GALNTL6: variants seen among roughly 807,000 people sequenced by gnomAD.
GALNTL6 encodes the protein polypeptide N-acetylgalactosaminyltransferase like 6.
GALNTL6 carries 46 observed loss-of-function variants against 73.7 expected under a neutral mutation model. The observed-to-expected ratio is 0.62, with a 90% CI of 0.49 to 0.80. The LOEUF (loss-of-function observed/expected upper bound fraction) is 0.80, where lower values mean the gene tolerates loss of function less well. Among genes scored for constraint, GALNTL6 ranks in the 30% least tolerant of loss-of-function variants. The pLI is 0.00. For missense variants in GALNTL6, 604 were observed against 755.0 expected, an observed-to-expected ratio of 0.80 and a Z score of 2.34; for synonymous variants, 259 against 263.7, an observed-to-expected ratio of 0.98 and a Z score of 0.17.
chr4:172,636,689 G>T (rs1739702108), intron 5 of GALNTL6, among the ~76,000 whole-genome samples: 1 of 152,172 alleles, frequency 6.6e-6, no homozygotes, highest in Non-Finnish European at 1.5e-5. Flanking sequence ...CTGACCTCCA[G>T]AACAAATGTG....
chr4:172,173,940 G>A (rs1262044678), intron 2 of GALNTL6, among the ~76,000 whole-genome samples: 3 of 151,936 alleles, frequency 2.0e-5, no homozygotes, highest in African/African-American at 7.3e-5. Context: ...AGGGGTGCCA[G>A]TGGAGAGGAG....
intron 2 of GALNTL6, among the ~76,000 whole-genome samples, chr4:171,822,196 A>T (rs1176475647): frequency 1.3e-5 from 2 of 152,220 alleles, no homozygotes; most frequent in Non-Finnish European, 2.9e-5. Context: ...AAAAAAAGTT[A>T]AAAAGTAGAA....
At chr4:172,922,527 T>G (rs1747849566) in intron 8 of GALNTL6, among the ~76,000 whole-genome samples, 2 of 151,748 alleles carry the variant, frequency 1.3e-5, no homozygotes, top group Admixed American at 1.3e-4. Context: ...AAAAATAAAG[T>G]AGTGCATAGT....
At chr4:171,846,199 T>A (rs1162936644) in intron 2 of GALNTL6, among the ~76,000 whole-genome samples, 1 of 152,172 alleles carries the variant, frequency 6.6e-6, no homozygotes, top group African/African-American at 2.4e-5. Flanking sequence ...TATTTGCAAA[T>A]TCCAAATTAG....
chr4:172,950,805 T>C (rs1278535605), intron 9 of GALNTL6, among the ~76,000 whole-genome samples: 1 of 152,246 alleles, frequency 6.6e-6, no homozygotes, highest in Non-Finnish European at 1.5e-5. Context: ...TTTTATCTTC[T>C]AAGTGCAAGT....
chr4:172,757,895 G>A (rs1737843635), intron 5 of GALNTL6, among the ~76,000 whole-genome samples: 2 of 152,144 alleles, frequency 1.3e-5, no homozygotes, highest in African/African-American at 4.8e-5. Context: ...AGAATAATTA[G>A]CACAAAAGCA....
chr4:172,619,918 C>T lies in GALNTL6; in HGVS notation c.554-189443C>T, dbSNP rs546920832. Among the ~76,000 whole-genome samples the T allele has an allele frequency of 9.0e-4, 137 of 152,224 alleles. 2 individuals carry two copies. Among genetic ancestry groups the T allele is most frequent in the Non-Finnish European group, 2.2e-4 (15 of 68,010 alleles). ...TATGTCATTGAAGCTGCAAAGAAAC[C>T]TTTCTCCTGTGTATAGGCAATTATT... On this transcript the variant is annotated intron_variant, in intron 5 of 12. Coordinates refer to ENST00000506823, the MANE Select transcript of GALNTL6 (RefSeq NM_001034845.3).
At chr4:171,820,361 G>T (rs1170010556) in intron 2 of GALNTL6, among the ~76,000 whole-genome samples, 4 of 152,140 alleles carry the variant, frequency 2.6e-5, no homozygotes, top group Non-Finnish European at 5.9e-5. Flanking sequence ...TTTGCTTCCA[G>T]TGTGGTAGGG....
At chr4:172,249,396 C>T (rs1317067070) in intron 3 of GALNTL6, among the ~76,000 whole-genome samples, 2 of 152,104 alleles carry the variant, frequency 1.3e-5, no homozygotes, top group Admixed American at 1.3e-4. Context: ...AATTTGCAGC[C>T]TGATGATGTG....
At chr4:172,757,106 A>T (rs1181495700) in intron 5 of GALNTL6, among the ~76,000 whole-genome samples, 3 of 152,218 alleles carry the variant, frequency 2.0e-5, no homozygotes, top group Non-Finnish European at 2.9e-5. Context: ...ATAATAATAA[A>T]TTGATAGTGC....
chr4:172,269,508 T>C (rs1738564966), intron 3 of GALNTL6, among the ~76,000 whole-genome samples: 1 of 152,084 alleles, frequency 6.6e-6, no homozygotes, highest in East Asian at 1.9e-4. Flanking sequence ...TGGAAGCAGT[T>C]GAGAGCCTAG....
chr4:171,947,216 T>A (rs1738727933), intron 2 of GALNTL6, among the ~76,000 whole-genome samples: 1 of 152,138 alleles, frequency 6.6e-6, no homozygotes, highest in African/African-American at 2.4e-5. Flanking sequence ...CTCTTTTGCT[T>A]TCTCCCACAT....
rs989490660 is a variant in GALNTL6 at position 172,491,384 on chromosome 4, A to G, written c.553+142695A>G. Among the ~76,000 whole-genome samples, 13 of 152,144 alleles carry G rather than the reference A, an allele frequency of 8.5e-5. 1 individual carries two copies. Among genetic ancestry groups the G allele is most frequent in the Admixed American group, 5.2e-4 (8 of 15,268 alleles). ...AAAGGTGAGGTAAATACTGATGTAGAAAATTTTAAATAATTACATTTTGAT... is the reference window on the plus strand; with the variant it reads ...AAAGGTGAGGTAAATACTGATGTAGGAAATTTTAAATAATTACATTTTGAT... On this transcript the variant is annotated intron_variant, in intron 5 of 12. Coordinates refer to ENST00000506823, the MANE Select transcript of GALNTL6 (RefSeq NM_001034845.3).
chr4:172,016,075 GTTCTTTGAGC>G (rs1741185908), intron 2 of GALNTL6, among the ~76,000 whole-genome samples: 1 of 151,460 alleles, frequency 6.6e-6, no homozygotes, highest in African/African-American at 2.4e-5. Context: ...TTTCCCAGGA[GTTCTTTGAGC>G]TTCTTGTATT....
intron 10 of GALNTL6, among the ~76,000 whole-genome samples, chr4:172,979,637 A>C (rs1245004929): frequency 6.6e-6 from 1 of 152,168 alleles, no homozygotes; most frequent in Non-Finnish European, 1.5e-5. Flanking sequence ...GATTGGTTTT[A>C]TATCTTCCAG....
intron 8 of GALNTL6, among the ~76,000 whole-genome samples, chr4:172,913,150 G>A (rs1365328363): frequency 6.6e-6 from 1 of 152,146 alleles, no homozygotes; most frequent in Non-Finnish European, 1.5e-5. Context: ...TGCAGCTAAG[G>A]GTCCTGACTG....
chr4:172,068,340 G>A (rs1731419898), intron 2 of GALNTL6, among the ~76,000 whole-genome samples: 1 of 109,728 alleles, frequency 9.1e-6, no homozygotes, highest in South Asian at 2.7e-4. Context: ...TACTCTATCA[G>A]TCTCAGAATG....
intron 5 of GALNTL6, among the ~76,000 whole-genome samples, chr4:172,755,352 C>T (rs1206904652): frequency 4.0e-5 from 6 of 151,110 alleles, no homozygotes; most frequent in Non-Finnish European, 7.4e-5. Flanking sequence ...ATTCACTTGC[C>T]GAATACCACT....
Position 172,871,193 on chromosome 4 carries a change from C to T in GALNTL6, c.924-11597C>T, listed in dbSNP as rs74485755. On this transcript the variant is annotated intron_variant, in intron 7 of 12. Transcript: ENST00000506823. ...GCCAGGCCTTCTAAAACAACTCCTTCTGACTCCCAGCTTTTGTCCCTTCCT... is the reference window on the plus strand; with the variant it reads ...GCCAGGCCTTCTAAAACAACTCCTTTTGACTCCCAGCTTTTGTCCCTTCCT... Among the ~76,000 whole-genome samples, 713 of 152,316 alleles carry T rather than the reference C, an allele frequency of 4.7e-3. 7 individuals carry two copies. The highest frequency in any genetic ancestry group is 0.015 in the African/African-American group (604 of 41,576).
Sources: allele counts gnomAD v4.1 joint callset (sites outside exome capture counted in the v4.1 genomes callset), GRCh38; gene constraint gnomAD v4.1.1; transcripts MANE v1.5; gene names NCBI Gene and HGNC (gene_info 2026-07-23, HGNC 2026-07-21).